The following TOX variants were observed in gnomAD, a reference collection of about 807,000 sequenced individuals.
TOX encodes the protein thymocyte selection associated high mobility group box.
Under a neutral mutation model 53.7 loss-of-function variants are expected in TOX, and 11 were observed. The observed-to-expected ratio is 0.20, with a 90% confidence interval of 0.13 to 0.34. TOX has a LOEUF of 0.34. Ranked by LOEUF, TOX falls within the 10% of genes least tolerant of loss-of-function variation. The pLI, the probability that TOX is intolerant of heterozygous loss-of-function variation, is 1.00. For synonymous variants in TOX, 225 were observed against 245.3 expected (o/e 0.92, Z 0.77); for missense variants, 570 against 664.6 (o/e 0.86, Z 1.56).
intron 5 of TOX, among the ~76,000 whole-genome samples, chr8:58,831,226 A>G (rs1447656564): frequency 6.6e-6 from 1 of 152,210 alleles, no homozygotes; most frequent in Non-Finnish European, 1.5e-5. Context: ...CTTGCCTGAA[A>G]AAATGGCTAC....
intron 2 of TOX, among the ~76,000 whole-genome samples, chr8:58,945,207 G>A (rs2129177053): frequency 6.6e-6 from 1 of 152,290 alleles, no homozygotes. Flanking sequence ...ATGAATTTCT[G>A]AACCAGAATG....
At chr8:59,053,778 A>G (rs1320364408) in intron 1 of TOX, among the ~76,000 whole-genome samples, 1 of 152,192 alleles carries the variant, frequency 6.6e-6, no homozygotes, top group Non-Finnish European at 1.5e-5. Flanking sequence ...ATTTCCATTT[A>G]AAAGGGAAAA....
chr8:58,876,446 T>A (rs1415977925), intron 3 of TOX, among the ~76,000 whole-genome samples: 2 of 148,690 alleles, frequency 1.3e-5, no homozygotes, highest in Non-Finnish European at 3.0e-5. Context: ...AATCAACATA[T>A]CCCTCTTTTA....
intron 7 of TOX, 51 bp from the exon 8 acceptor site, chr8:58,808,320 G>A: frequency 6.4e-7 from 1 of 1,565,570 alleles, no homozygotes; most frequent in Non-Finnish European, 8.7e-7. Context: ...ATTTTAAGAA[G>A]AAAAGCACCT....
chr8:59,007,505 A>T (rs1220449167), intron 1 of TOX, among the ~76,000 whole-genome samples: 5 of 152,190 alleles, frequency 3.3e-5, no homozygotes, highest in Non-Finnish European at 2.9e-5. Context: ...ATATGAAGGG[A>T]TCCACAACAT....
rs554521838 is a variant in TOX at position 59,096,201 on chromosome 8, A to G, written c.102+22685T>C. Among the ~76,000 whole-genome samples the G allele has an allele frequency of 1.5e-4, 23 of 152,338 alleles. No individual in the cohort carries two copies. The South Asian group carries it at 4.8e-3, about 32-fold the overall frequency. ...TATTATCACCTGATGAAACAGACTA[A>G]CATTGCTTCAAAAATGACTTTAATT... On this transcript the variant is annotated intron_variant, in intron 1 of 8. Transcript: ENST00000361421.
rs540987200 is a variant in TOX, at chr8:58,944,755, C to T, written c.169-5211G>A. On this transcript the variant is annotated intron_variant, in intron 2 of 8. Transcript: ENST00000361421. ...GATAAACAATGGCTTTATATAGCTACGGTTACTGTTAAACGGATTTATACA... is the reference window on the plus strand; with the variant it reads ...GATAAACAATGGCTTTATATAGCTATGGTTACTGTTAAACGGATTTATACA... 4.6e-5 allele frequency among the ~76,000 whole-genome samples: 7 copies of T among 152,268 alleles called. No homozygotes were observed. The East Asian group carries it at 9.6e-4, about 21-fold the overall frequency.
At chr8:58,962,386 C>T (rs1812815338) in intron 1 of TOX, among the ~76,000 whole-genome samples, 1 of 152,154 alleles carries the variant, frequency 6.6e-6, no homozygotes, top group African/African-American at 2.4e-5. Flanking sequence ...TTAAGCATCA[C>T]AAAACCAAGA....
At chr8:58,965,540 A>G (rs952857125) in intron 1 of TOX, among the ~76,000 whole-genome samples, 2 of 152,202 alleles carry the variant, frequency 1.3e-5, no homozygotes, top group Admixed American at 1.3e-4. Context: ...TGTGAAGTGT[A>G]AATCAGTCAT....
intron 2 of TOX, among the ~76,000 whole-genome samples, chr8:58,955,373 G>C (rs566633796): frequency 6.6e-6 from 1 of 152,110 alleles, no homozygotes; most frequent in East Asian, 1.9e-4. Flanking sequence ...GAAGAAGGAA[G>C]AAAGGAATAA....
intron 1 of TOX, among the ~76,000 whole-genome samples, chr8:59,019,290 A>C (rs935090184): frequency 2.0e-5 from 3 of 152,238 alleles, no homozygotes. Context: ...TGTTTTAAAC[A>C]TGCATTGTTA....
intron 4 of TOX, among the ~76,000 whole-genome samples, chr8:58,848,837 A>C (rs1471972253): frequency 2.0e-5 from 3 of 152,136 alleles, no homozygotes; most frequent in African/African-American, 7.2e-5. Context: ...TTAATTGTTC[A>C]ATTAGATGAG....
intron 1 of TOX, among the ~76,000 whole-genome samples, chr8:59,031,408 G>A (rs186305016): frequency 6.6e-6 from 1 of 152,170 alleles, no homozygotes; most frequent in Non-Finnish European, 1.5e-5. Flanking sequence ...TAAGATTCAT[G>A]TGCTTAAGTA....
At chr8:58,983,962 A>G (rs909485264) in intron 1 of TOX, among the ~76,000 whole-genome samples, 2 of 152,234 alleles carry the variant, frequency 1.3e-5, no homozygotes, top group Non-Finnish European at 2.9e-5. Flanking sequence ...CAGAGCCTGT[A>G]CTAGGGTGAG....
At chr8:58,832,148 AATATATAAT>A (rs1585849462) in intron 5 of TOX, among the ~76,000 whole-genome samples, 1 of 133,286 alleles carries the variant, frequency 7.5e-6, no homozygotes, top group Non-Finnish European at 1.6e-5. Flanking sequence ...TAATATATGT[AATATATAAT>A]ATATGTAATA....
At chr8:59,092,782 T>C (rs1319591741) in intron 1 of TOX, among the ~76,000 whole-genome samples, 2 of 152,164 alleles carry the variant, frequency 1.3e-5, no homozygotes, top group Non-Finnish European at 2.9e-5. Flanking sequence ...CTGTGTGTTG[T>C]TCCATCTTAG....
intron 6 of TOX, among the ~76,000 whole-genome samples, chr8:58,823,098 G>T (rs1810308831): frequency 6.6e-6 from 1 of 152,196 alleles, no homozygotes; most frequent in East Asian, 1.9e-4. Flanking sequence ...TCCATTGGAA[G>T]TTACAAAAGC....
At chr8:58,904,919 T>G (rs1811787844) in intron 3 of TOX, among the ~76,000 whole-genome samples, 2 of 152,174 alleles carry the variant, frequency 1.3e-5, no homozygotes, top group African/African-American at 4.8e-5. Flanking sequence ...GTCCACGAAT[T>G]GGCTGTATAA....
At chr8:59,083,423 T>C (rs1804447408) in intron 1 of TOX, among the ~76,000 whole-genome samples, 2 of 152,190 alleles carry the variant, frequency 1.3e-5, no homozygotes, top group African/African-American at 2.4e-5. Context: ...TTCAAATATA[T>C]TTGGTTATTA....
Sources: allele counts gnomAD v4.1 joint callset (sites outside exome capture counted in the v4.1 genomes callset), GRCh38; gene constraint gnomAD v4.1.1; transcripts MANE v1.5; gene names NCBI Gene and HGNC (gene_info 2026-07-23, HGNC 2026-07-21).